Variants in TMEM132C observed in about 807,000 individuals in gnomAD.
TMEM132C encodes the protein protein phosphatase 1, regulatory subunit 152.
Under a neutral mutation model 61.4 loss-of-function variants are expected in TMEM132C, and 29 were observed. That is an observed-to-expected ratio of 0.47 (90% CI 0.35 to 0.64). The LOEUF (loss-of-function observed/expected upper bound fraction) is 0.64. Ranked by LOEUF, TMEM132C falls within the 30% of genes least tolerant of loss-of-function variation. The pLI, the probability that TMEM132C is intolerant of heterozygous loss-of-function variation, is 0.00. For missense variants in TMEM132C, 1,408 were observed against 1,476.9 expected, an observed-to-expected ratio of 0.95 and a Z score of 0.76; for synonymous variants, 656 against 633.1, an observed-to-expected ratio of 1.04 and a Z score of -0.54.
At chr12:128,686,033 G>A (rs1352750655) in intron 5 of TMEM132C, among the ~76,000 whole-genome samples, 1 of 151,204 alleles carries the variant, frequency 6.6e-6, no homozygotes, top group Non-Finnish European at 1.5e-5. Context: ...GCATGTGTGT[G>A]TGTATTCGCG....
intron 2 of TMEM132C, among the ~76,000 whole-genome samples, chr12:128,542,753 C>T (rs532191503): frequency 1.3e-4 from 20 of 149,860 alleles, no homozygotes; most frequent in South Asian, 6.4e-4. Flanking sequence ...CCCAGCTACT[C>T]GGCAGGCTGA....
At chr12:128,701,544 T>G (rs1954803681) in intron 8 of TMEM132C, among the ~76,000 whole-genome samples, 1 of 152,222 alleles carries the variant, frequency 6.6e-6, no homozygotes, top group African/African-American at 2.4e-5. Flanking sequence ...GCTAGCATTC[T>G]TCCTTGGTCC....
chr12:128,386,666 C>T (rs1874592104), intron 1 of TMEM132C, among the ~76,000 whole-genome samples: 1 of 152,226 alleles, frequency 6.6e-6, no homozygotes, highest in African/African-American at 2.4e-5. Flanking sequence ...GTCCTCCCAT[C>T]TTCTTGATAA....
chr12:128,519,710 G>T (rs543418743), intron 2 of TMEM132C, among the ~76,000 whole-genome samples: 1 of 152,282 alleles, frequency 6.6e-6, no homozygotes, highest in Middle Eastern at 3.4e-3. Flanking sequence ...TTCCCCTAGG[G>T]CTGGGGAAAG....
chr12:128,698,853 G>A (rs1271046443), intron 8 of TMEM132C, among the ~76,000 whole-genome samples: 1 of 152,180 alleles, frequency 6.6e-6, no homozygotes, highest in African/African-American at 2.4e-5. Flanking sequence ...CATGTGGCTG[G>A]GACAGGCGAC....
intron 2 of TMEM132C, among the ~76,000 whole-genome samples, chr12:128,473,334 T>TCTGCATG (rs1871026594): frequency 0.19 from 415 of 2,208 alleles, 11 homozygotes; most frequent in Middle Eastern, 0.25. Context: ...TCATCTTCAG[T>TCTGCATG]CCAGCCTCCT....
chr12:128,306,351 G>A (rs1043581736), intron 1 of TMEM132C, among the ~76,000 whole-genome samples: 23 of 151,796 alleles, frequency 1.5e-4, no homozygotes, highest in African/African-American at 1.2e-4. Context: ...ACAGGTGCCC[G>A]CCACCACGCC....
At chr12:128,362,309 C>A (rs1206791015) in intron 1 of TMEM132C, among the ~76,000 whole-genome samples, 2 of 152,092 alleles carry the variant, frequency 1.3e-5, no homozygotes, top group Non-Finnish European at 2.9e-5. Context: ...CCTCATCACC[C>A]ATGAGTTCTT....
intron 2 of TMEM132C, among the ~76,000 whole-genome samples, chr12:128,432,951 C>A (rs113599109): frequency 2.3e-3 from 352 of 151,956 alleles, no homozygotes; most frequent in East Asian, 9.1e-3. Flanking sequence ...CAACCACCAC[C>A]CTGATCAGTC....
chr12:128,414,622 C>T, intron 1 of TMEM132C, 110 bp from the exon 2 acceptor site: 1 of 1,236,690 alleles, frequency 8.1e-7, no homozygotes, highest in Non-Finnish European at 1.1e-6. Context: ...AAGTGGGCTT[C>T]AGAATTTCTA....
At chr12:128,447,710 T>TAGAAAAGCATAGTAATATAATTCC (rs1593056798) in intron 2 of TMEM132C, among the ~76,000 whole-genome samples, 1 of 110,298 alleles carries the variant, frequency 9.1e-6, no homozygotes, top group Non-Finnish European at 1.8e-5. Flanking sequence ...AAGTGCTTTT[T>TAGAAAAGCATAGTAATATAATTCC]TTTTTTTTTT....
intron 1 of TMEM132C, among the ~76,000 whole-genome samples, chr12:128,394,058 A>G (rs1874857586): frequency 6.6e-6 from 1 of 152,188 alleles, no homozygotes. Flanking sequence ...AGGCACTCAC[A>G]GTTCCATGAG....
chr12:128,387,934 C>T (rs1874638019), intron 1 of TMEM132C, among the ~76,000 whole-genome samples: 1 of 152,232 alleles, frequency 6.6e-6, no homozygotes, highest in Admixed American at 6.5e-5. Flanking sequence ...CAGCTTGCTC[C>T]TGGGCAGCCG....
chr12:128,353,855 G>C (rs1350565204), intron 1 of TMEM132C, among the ~76,000 whole-genome samples: 1 of 152,204 alleles, frequency 6.6e-6, no homozygotes, highest in Non-Finnish European at 1.5e-5. Flanking sequence ...CCAGCACAAA[G>C]ATGCGCTCTG....
intron 1 of TMEM132C, among the ~76,000 whole-genome samples, chr12:128,293,522 A>G (rs958726612): frequency 6.6e-6 from 1 of 152,186 alleles, no homozygotes; most frequent in Admixed American, 6.5e-5. Flanking sequence ...TCCAGACAGG[A>G]TGAATCATTT....
intron 8 of TMEM132C, 143 bp from the exon 9 acceptor site, chr12:128,704,947 G>GATAGA: frequency 1.1e-6 from 1 of 891,320 alleles, no homozygotes; most frequent in Non-Finnish European, 1.6e-6. Context: ...TAGAAAACCT[G>GATAGA]TATGATTTCT....
chr12:128,622,360 A>AATATATATAT (rs767066742), intron 4 of TMEM132C, among the ~76,000 whole-genome samples: 46 of 30,030 alleles, frequency 1.5e-3, no homozygotes, highest in African/African-American at 3.5e-3. Flanking sequence ...AAAAAAAAAA[A>AATATATATAT]ATATATATAT....
At chr12:128,699,189 A>G (rs1415578209) in intron 8 of TMEM132C, among the ~76,000 whole-genome samples, 1 of 152,188 alleles carries the variant, frequency 6.6e-6, no homozygotes, top group African/African-American at 2.4e-5. Context: ...AGCTAGAGTG[A>G]TGATGCTCAG....
chr12:128,368,512 C>T (rs1873935818), intron 1 of TMEM132C, among the ~76,000 whole-genome samples: 1 of 152,188 alleles, frequency 6.6e-6, no homozygotes, highest in Non-Finnish European at 1.5e-5. Flanking sequence ...ATTAATCGCT[C>T]CGGTTCCTGA....
Sources: allele counts gnomAD v4.1 joint callset (sites outside exome capture counted in the v4.1 genomes callset), GRCh38; gene constraint gnomAD v4.1.1; transcripts MANE v1.5; gene names NCBI Gene and HGNC (gene_info 2026-07-23, HGNC 2026-07-21).